SLC25A25: variants seen among roughly 807,000 people sequenced by gnomAD.
SLC25A25 encodes the protein mitochondrial adenyl nucleotide antiporter SLC25A25.
A neutral mutation model predicts 57.7 loss-of-function variants in SLC25A25; 32 were observed. The ratio of observed to expected loss-of-function variants is 0.55; its 90% CI spans 0.42 to 0.74. SLC25A25 has a LOEUF of 0.74. SLC25A25 is among the 30% of genes least tolerant of loss of function. The probability of loss-of-function intolerance (pLI) is 0.00; values close to 1 mark genes in which losing one functional copy is unlikely to be tolerated. For synonymous variants in SLC25A25, 306 were observed against 291.2 expected (o/e 1.05, Z -0.52); for missense variants, 556 against 701.3 (o/e 0.79, Z 2.34).
intron 1 of SLC25A25, 110 bp downstream of exon 1, chr9:128,068,690 G>T: frequency 8.2e-7 from 1 of 1,217,994 alleles, no homozygotes; most frequent in Non-Finnish European, 1.1e-6. Context: ...CTGTCCAGAG[G>T]AAGGGTGCCC....
intron 1 of SLC25A25, chr9:128,092,101 C>G (rs765394809): frequency 6.2e-7 from 1 of 1,610,004 alleles, no homozygotes; most frequent in African/African-American, 1.3e-5. Context: ...TAATGTTGGC[C>G]TCAAGAGGAC....
Position 128,108,437 on chromosome 9 carries a change from G to C in SLC25A25, c.*993G>C, listed in dbSNP as rs1834138775. 5.1e-6 allele frequency: 2 copies of C among 395,716 alleles called. No homozygotes were observed. The highest frequency in any genetic ancestry group is 8.9e-6 in the Non-Finnish European group (2 of 224,506). The allele number at this position is 395,716 out of a possible 1,614,324, so 24.5% of individuals were successfully genotyped here. ...TGCTCAGAGTCTGTTCTGACGCCCT[G>C]GGGGTTCCTGTCCAACCCCAGCAGG... On this transcript the variant is annotated 3_prime_UTR_variant, in exon 11 of 11. Transcript: ENST00000373069.
Position 128,107,387 on chromosome 9 carries a change from C to T in SLC25A25, c.1491C>T (p.Ser497=). ...TCATGAAGGTCATCCCAGCTGTGAG[C>T]ATCAGCTACGTGGTCTACGAGAACC... ...PNFMKVIPAV[S]ISYVVYENLK... Residue 497 remains serine, a synonymous_variant, in exon 11 of 11, where the codon AGC becomes AGT. Coordinates refer to ENST00000373069, the MANE Select transcript of SLC25A25 (RefSeq NM_001330988.2). The T allele has an allele frequency of 9.3e-6, 14 of 1,512,408 alleles. No homozygotes were observed. The highest frequency in any genetic ancestry group is 1.2e-5 in the Non-Finnish European group (14 of 1,129,282). 93.7% of individuals were successfully genotyped at this position (1,512,408 alleles called of 1,614,324 possible). A position where few individuals can be genotyped will look rare whatever the true frequency, so the allele number is the denominator to read the frequency against.
intron 1 of SLC25A25, chr9:128,092,034 C>T (rs758894846): frequency 5.1e-5 from 82 of 1,613,688 alleles, no homozygotes; most frequent in Non-Finnish European, 6.6e-5. Flanking sequence ...GCTGAGGCCA[C>T]GGAAAAAAGA....
intron 1 of SLC25A25, among the ~76,000 whole-genome samples, chr9:128,079,862 A>G (rs1833108707): frequency 2.0e-5 from 3 of 152,100 alleles, no homozygotes; most frequent in Non-Finnish European, 2.9e-5. Flanking sequence ...ATGGTGGTGC[A>G]CGCCTGTAGT....
intron 1 of SLC25A25, among the ~76,000 whole-genome samples, chr9:128,090,373 C>T (rs967179062): frequency 9.9e-5 from 15 of 151,822 alleles, no homozygotes; most frequent in Admixed American, 2.0e-4. Context: ...CCACCATGCC[C>T]GGCTAATTTT....
intron 6 of SLC25A25, among the ~76,000 whole-genome samples, chr9:128,105,185 T>TTC (rs1219068681): frequency 8.0e-6 from 1 of 125,708 alleles, no homozygotes; most frequent in African/African-American, 3.3e-5. Flanking sequence ...TTTTTTTTTT[T>TTC]TCTAAAATAG....
At chr9:128,082,595 T>C (rs758434125) in intron 1 of SLC25A25, among the ~76,000 whole-genome samples, 6 of 152,178 alleles carry the variant, frequency 3.9e-5, no homozygotes, top group Non-Finnish European at 5.9e-5. Flanking sequence ...CACCCAAAAA[T>C]AATTTTGAAA....
chr9:128,084,313 T>C (rs896472407), intron 1 of SLC25A25, among the ~76,000 whole-genome samples: 1 of 150,892 alleles, frequency 6.6e-6, no homozygotes, highest in African/African-American at 2.4e-5. Flanking sequence ...CAGGCTGGAG[T>C]GCAGTGGCGC....
At chr9:128,088,806 G>A (rs1049777245) in intron 1 of SLC25A25, among the ~76,000 whole-genome samples, 1 of 152,168 alleles carries the variant, frequency 6.6e-6, no homozygotes, top group Non-Finnish European at 1.5e-5. Flanking sequence ...ATCAAAAAGC[G>A]GTAATCTACT....
At position 128,070,299 on chromosome 9, in the gene SLC25A25, C is replaced by T. The variant is rs1169676957; in HGVS notation, c.261+1719C>T. On this transcript the variant is annotated intron_variant, in intron 1 of 10. Transcript: ENST00000373069. ...ATTTTTAAGAGAGATGGGGTTTCAC[C>T]GTGTTAGCCAGGATGGTCTTGATCT... Among the ~76,000 whole-genome samples the T allele has an allele frequency of 2.1e-4, 32 of 151,744 alleles. 1 individual carries two copies. Among genetic ancestry groups the T allele is most frequent in the South Asian group, 4.2e-4 (2 of 4,804 alleles).
chr9:128,084,405 C>T (rs1326166408), intron 1 of SLC25A25, among the ~76,000 whole-genome samples: 2 of 151,994 alleles, frequency 1.3e-5, no homozygotes, highest in Non-Finnish European at 2.9e-5. Context: ...GGTTTCCAGG[C>T]GCCCACCTCG....
At chr9:128,081,242 C>G (rs1297227605) in intron 1 of SLC25A25, among the ~76,000 whole-genome samples, 1 of 152,334 alleles carries the variant, frequency 6.6e-6, no homozygotes, top group Non-Finnish European at 1.5e-5. Context: ...GACCTCTCTC[C>G]TGCCTGCAGT....
chr9:128,086,507 A>T lies in SLC25A25; in HGVS notation c.262-14589A>T, dbSNP rs555807230. On this transcript the variant is annotated intron_variant, in intron 1 of 10. Transcript: ENST00000373069. ...TGCCACCACACCCGGCTAATTTTGT[A>T]TTTTTAGTAGAGACAGGTTTTCTCC... Among the ~76,000 whole-genome samples, 25 of 151,930 alleles carry T rather than the reference A, an allele frequency of 1.6e-4. No homozygotes were observed. The East Asian group carries it at 4.9e-3, about 29-fold the overall frequency.
intron 1 of SLC25A25, among the ~76,000 whole-genome samples, chr9:128,070,553 T>TTTTTG (rs1369508325): frequency 7.2e-5 from 11 of 151,876 alleles, no homozygotes; most frequent in Admixed American, 2.6e-4. Context: ...AGACAGGTTT[T>TTTTTG]TTTTGTTTTG....
At position 128,091,854 on chromosome 9, in the gene SLC25A25, G is replaced by A. The variant is rs151207021; in HGVS notation, c.262-9242G>A. On this transcript the variant is annotated intron_variant, in intron 1 of 10. Transcript: ENST00000373069. ...AAAGTGAACAGTCGCCATCAGAGGCGTTTGGAGGAGACCGTGATGTTGCAG... is the reference window on the plus strand; with the variant it reads ...AAAGTGAACAGTCGCCATCAGAGGCATTTGGAGGAGACCGTGATGTTGCAG... The A allele has an allele frequency of 2.5e-4, 395 of 1,601,062 alleles. 4 individuals carry two copies. The East Asian group carries it at 8.0e-3, about 33-fold the overall frequency.
rs199618220 is a variant in SLC25A25 at position 128,107,232 on chromosome 9, C to T, written c.1364-28C>T. On this transcript the variant is annotated intron_variant, in intron 10 of 10. Coordinates refer to ENST00000373069, the MANE Select transcript of SLC25A25 (RefSeq NM_001330988.2). The stretch of plus-strand genomic sequence containing the variant: ...GGAGGTCGGGGGGAGCGGACAGAAG[C>T]ATCTGACTGGTGGCCTCCATCCTGC... 243 of 1,611,110 alleles carry T rather than the reference C, an allele frequency of 1.5e-4. No individual in the cohort carries two copies. In the African/African-American group the frequency reaches 2.9e-3, roughly 19 times the overall value.
At chr9:128,104,796 A>C (rs1441639038) in intron 6 of SLC25A25, among the ~76,000 whole-genome samples, 1 of 150,962 alleles carries the variant, frequency 6.6e-6, no homozygotes, top group Non-Finnish European at 1.5e-5. Flanking sequence ...ATATGTCTTA[A>C]GTTTTTTTAA....
At position 128,098,487 on chromosome 9, in the gene SLC25A25, G is replaced by T. The variant is rs1192439293; in HGVS notation, c.262-2609G>T. 1.7e-5 allele frequency: 26 copies of T among 1,538,388 alleles called. No individual in the cohort carries two copies. The Admixed American group carries it at 5.0e-4, about 30-fold the overall frequency. ...ACAGCTGAGGCCAGGCTTGTCTTATGCAAGTTTCCCGGGACCGGCAGCATT... is the reference window on the plus strand; with the variant it reads ...ACAGCTGAGGCCAGGCTTGTCTTATTCAAGTTTCCCGGGACCGGCAGCATT... On this transcript the variant is annotated intron_variant, in intron 1 of 10. Coordinates refer to ENST00000373069, the MANE Select transcript of SLC25A25 (RefSeq NM_001330988.2).
Sources: gnomAD v4.1 joint callset for allele counts (sites outside exome capture counted in the v4.1 genomes callset) on GRCh38, gnomAD v4.1.1 for gene constraint, MANE v1.5 for transcripts, NCBI Gene and HGNC (gene_info 2026-07-23, HGNC 2026-07-21) for gene names.